The following L3HYPDH variants were observed in gnomAD, a reference collection of about 807,000 sequenced individuals.
L3HYPDH encodes trans-L-3-hydroxyproline dehydratase.
L3HYPDH carries 32 observed loss-of-function variants against 26.5 expected under a neutral mutation model. The ratio of observed to expected loss-of-function variants is 1.21; its 90% CI spans 0.91 to 1.62. The LOEUF (loss-of-function observed/expected upper bound fraction) is 1.62. Ranked by LOEUF, L3HYPDH falls within the 40% of genes most tolerant of loss-of-function variation. The pLI is 0.00. For missense variants in L3HYPDH, 554 were observed against 476.4 expected, an observed-to-expected ratio of 1.16 and a Z score of -1.52; for synonymous variants, 215 against 196.6, an observed-to-expected ratio of 1.09 and a Z score of -0.78.
At chr14:59,484,719 C>G (rs1454268221), upstream of L3HYPDH, 3 of 1,244,738 alleles carry the variant, frequency 2.4e-6, no homozygotes, top group African/African-American at 3.0e-5. Context: ...CCCCTTGACC[C>G]CGCCCGCCCT....
At chr14:59,477,768 A>G (rs1273911064) in intron 2 of L3HYPDH, among the ~76,000 whole-genome samples, 3 of 152,256 alleles carry the variant, frequency 2.0e-5, no homozygotes, top group Admixed American at 6.5e-5. Context: ...ATTTTAAGTT[A>G]TAAATTATTT....
At chr14:59,500,219 T>C in the L3HYPDH span, among the ~76,000 whole-genome samples, 1 of 152,196 alleles carries the variant, frequency 6.6e-6, no homozygotes, top group Non-Finnish European at 1.5e-5. Flanking sequence ...AAATGTCAAA[T>C]AAGTCATTCA....
At chr14:59,496,024 C>T in the L3HYPDH span, among the ~76,000 whole-genome samples, 15 of 152,206 alleles carry the variant, frequency 9.9e-5, no homozygotes, top group Non-Finnish European at 2.2e-4. Flanking sequence ...GTGCCTCAGC[C>T]TCCCAAGTAG....
At chr14:59,477,255 T>C (rs900522076) in intron 2 of L3HYPDH, among the ~76,000 whole-genome samples, 2 of 152,236 alleles carry the variant, frequency 1.3e-5, no homozygotes, top group African/African-American at 2.4e-5. Context: ...TCTAGCAGAA[T>C]GTCTAACATA....
Position 59,483,981 on chromosome 14 carries a change from G to T in L3HYPDH, c.336C>A (p.Gly112=). 1.9e-6 allele frequency: 3 copies of T among 1,581,886 alleles called. No homozygotes were observed. Among genetic ancestry groups the T allele is most frequent in the Non-Finnish European group, 2.6e-6 (3 of 1,169,458 alleles). ...CAAGCCCGAAGTCCAAAGCGAAGCG[G>T]CCCAGCGCCAGCACTGCGTGGCCGC... ...SMCGHAVLAL[G]RFALDFGLVP... The change falls in exon 1 of 5, where the codon GGC becomes GGA. Residue 112 remains glycine (G), a synonymous_variant. Transcript: ENST00000247194.
chr14:59,495,156 G>T, the L3HYPDH span: 1 of 1,613,748 alleles, frequency 6.2e-7, no homozygotes, highest in Non-Finnish European at 8.5e-7. Flanking sequence ...ACTGGTACAC[G>T]ATGCTTTACA....
intron 4 of L3HYPDH, 49 bp from the exon 5 acceptor site, chr14:59,473,139 A>G: frequency 6.6e-7 from 1 of 1,522,432 alleles, no homozygotes; most frequent in East Asian, 2.4e-5. Context: ...CACTCGTATT[A>G]TATCTGGCTT....
upstream of L3HYPDH, among the ~76,000 whole-genome samples, chr14:59,489,395 T>C (rs74826377): frequency 1.1e-3 from 167 of 152,364 alleles, 1 homozygote; most frequent in Middle Eastern, 3.4e-3. Context: ...TGCTAGGGCA[T>C]AGTATGGATG....
At chr14:59,489,864 TAGG>T in the L3HYPDH span, among the ~76,000 whole-genome samples, 1 of 141,910 alleles carries the variant, frequency 7.0e-6, no homozygotes, top group Non-Finnish European at 1.5e-5. Context: ...CACATGGTGA[TAGG>T]GGGAGGAGGT....
rs1417819625 is a variant in L3HYPDH at position 59,483,544 on chromosome 14, G to A, written c.508+265C>T. 3 of 1,397,920 alleles carry A rather than the reference G, an allele frequency of 2.1e-6. No individual in the cohort carries two copies. In the Admixed American group the frequency reaches 9.6e-5, roughly 45 times the overall value. The allele number at this position is 1,397,920 out of a possible 1,614,324, so 86.6% of individuals were successfully genotyped here. On this transcript the variant is annotated intron_variant, in intron 1 of 4. Transcript: ENST00000247194. Reference sequence around the variant, plus strand: ...GAATGCCTCACCAGTGCAGAGGGAGGCGCTGAGTCAGGGTAACACGCAATT... The same window carrying A: ...GAATGCCTCACCAGTGCAGAGGGAGACGCTGAGTCAGGGTAACACGCAATT...
At chr14:59,486,343 A>G (rs147837187), upstream of L3HYPDH, among the ~76,000 whole-genome samples, 60 of 152,338 alleles carry the variant, frequency 3.9e-4, no homozygotes, top group East Asian at 8.3e-3. Flanking sequence ...GGCAAAATAC[A>G]AGGTGGTGAC....
At chr14:59,496,739 C>T in the L3HYPDH span, among the ~76,000 whole-genome samples, 1 of 152,180 alleles carries the variant, frequency 6.6e-6, no homozygotes, top group African/African-American at 2.4e-5. Context: ...CATTTTTTGT[C>T]TATTCACTAT....
chr14:59,502,756 T>G, the L3HYPDH span, among the ~76,000 whole-genome samples: 15 of 1,874 alleles, frequency 8.0e-3, no homozygotes, highest in Non-Finnish European at 0.012. Flanking sequence ...TGAGATTTTT[T>G]TTTTTTTTTT....
chr14:59,472,829 G>T lies in L3HYPDH; in HGVS notation c.*136C>A. 3.0e-6 allele frequency: 2 copies of T among 666,276 alleles called. No homozygotes were observed. The highest frequency in any genetic ancestry group is 4.5e-6 in the Non-Finnish European group (2 of 441,136). 41.3% of individuals were successfully genotyped at this position (666,276 alleles called of 1,614,324 possible). A position where few individuals can be genotyped will look rare whatever the true frequency, so the allele number is the denominator to read the frequency against. ...ACGAGGTATAATGACTTTATATTTA[G>T]CCACAGGGTAGTATTTTACAAAGAA... On this transcript the variant is annotated 3_prime_UTR_variant, in exon 5 of 5. Transcript: ENST00000247194.
the L3HYPDH span, among the ~76,000 whole-genome samples, chr14:59,492,292 A>G: frequency 6.6e-6 from 1 of 152,144 alleles, no homozygotes; most frequent in African/African-American, 2.4e-5. Flanking sequence ...AGTTGAAGAT[A>G]GAATTAGTGA....
At chr14:59,487,850 TATCTGGCTGGACTA>T (rs1890697374), upstream of L3HYPDH, 13 of 1,605,930 alleles carry the variant, frequency 8.1e-6, no homozygotes, top group East Asian at 2.9e-4. Context: ...TCTATGAACA[TATCTGGCTGGACTA>T]ATGTTGGAAT....
downstream of L3HYPDH, among the ~76,000 whole-genome samples, chr14:59,472,113 A>G (rs888900859): frequency 6.6e-6 from 1 of 152,234 alleles, no homozygotes. Flanking sequence ...AGGGAGCGTC[A>G]CATCTTAGAA....
intron 2 of L3HYPDH, among the ~76,000 whole-genome samples, chr14:59,478,078 A>T (rs1403477742): frequency 1.3e-5 from 2 of 152,222 alleles, no homozygotes; most frequent in Non-Finnish European, 2.9e-5. Context: ...TGTAGGAAAA[A>T]AATAATAGGA....
chr14:59,493,985 C>T, the L3HYPDH span, among the ~76,000 whole-genome samples: 1 of 152,144 alleles, frequency 6.6e-6, no homozygotes, highest in South Asian at 2.1e-4. Context: ...TAAAATGCTG[C>T]TGCTGGGACA....
Sources: gnomAD v4.1 joint callset for allele counts (sites outside exome capture counted in the v4.1 genomes callset) on GRCh38, gnomAD v4.1.1 for gene constraint, MANE v1.5 for transcripts, NCBI Gene and HGNC (gene_info 2026-07-23, HGNC 2026-07-21) for gene names.